Variants in SKAP1 observed in about 807,000 individuals in gnomAD.
SKAP1 encodes the protein src kinase-associated phosphoprotein 1.
SKAP1 carries 44 observed loss-of-function variants against 58.5 expected under a neutral mutation model. The ratio of observed to expected loss-of-function variants is 0.75; its 90% CI spans 0.59 to 0.97. SKAP1 has a LOEUF of 0.97. Ranked by LOEUF, SKAP1 falls within the 50% of genes least tolerant of loss-of-function variation. The pLI, the probability that SKAP1 is intolerant of heterozygous loss-of-function variation, is 0.00. For synonymous variants in SKAP1, 127 were observed against 149.7 expected (o/e 0.85, Z 1.11); for missense variants, 390 against 435.2 (o/e 0.90, Z 0.92).
chr17:48,385,694 T>C (rs2067266584), intron 2 of SKAP1, among the ~76,000 whole-genome samples: 1 of 152,102 alleles, frequency 6.6e-6, no homozygotes, highest in Admixed American at 6.5e-5. Flanking sequence ...AACAGCACTT[T>C]GGGAAAACGA....
chr17:48,214,808 G>A (rs1019549922), intron 4 of SKAP1, among the ~76,000 whole-genome samples: 1 of 151,698 alleles, frequency 6.6e-6, no homozygotes, highest in Non-Finnish European at 1.5e-5. Context: ...TGTAGTCCCA[G>A]CTACTTGGGA....
rs914136690 is a variant in SKAP1 at position 48,345,382 on chromosome 17, T to C, written c.280+523A>G. Among the ~76,000 whole-genome samples, 7 of 152,360 alleles carry C rather than the reference T, an allele frequency of 4.6e-5. No individual in the cohort carries two copies. The East Asian group carries it at 9.6e-4, about 21-fold the overall frequency. ...TGATGCTCTAGGAAGATTCACACTG[T>C]GGTTCTTGTGGCTTTCCCTTCCCCT... On this transcript the variant is annotated intron_variant, in intron 4 of 12. Coordinates refer to ENST00000336915, the MANE Select transcript of SKAP1 (RefSeq NM_003726.4).
intron 11 of SKAP1, among the ~76,000 whole-genome samples, chr17:48,162,261 C>T (rs1010887257): frequency 3.9e-5 from 6 of 152,196 alleles, no homozygotes; most frequent in East Asian, 1.9e-4. Flanking sequence ...CCACCACGCC[C>T]GGCCTAGCCT....
intron 4 of SKAP1, among the ~76,000 whole-genome samples, chr17:48,196,028 A>G (rs2064623516): frequency 6.6e-6 from 1 of 152,256 alleles, no homozygotes; most frequent in Non-Finnish European, 1.5e-5. Context: ...CCAGTTTTAA[A>G]TTCATCAGCA....
At chr17:48,312,208 T>C (rs1239478733) in intron 4 of SKAP1, among the ~76,000 whole-genome samples, 1 of 152,258 alleles carries the variant, frequency 6.6e-6, no homozygotes, top group African/African-American at 2.4e-5. Context: ...GTTTTCCTTT[T>C]ACCGGTTATG....
intron 2 of SKAP1, among the ~76,000 whole-genome samples, chr17:48,370,314 A>G (rs2067067400): frequency 6.6e-6 from 1 of 151,978 alleles, no homozygotes; most frequent in African/African-American, 2.4e-5. Flanking sequence ...CATTATTATT[A>G]TATTTTTTTG....
intron 11 of SKAP1, among the ~76,000 whole-genome samples, chr17:48,157,884 T>C (rs1204386554): frequency 6.6e-6 from 1 of 151,096 alleles, no homozygotes; most frequent in Non-Finnish European, 1.5e-5. Flanking sequence ...ATTTTTTTTT[T>C]TGAAAAGGGA....
At chr17:48,261,277 T>A (rs768624658) in intron 4 of SKAP1, among the ~76,000 whole-genome samples, 6 of 152,164 alleles carry the variant, frequency 3.9e-5, no homozygotes, top group Non-Finnish European at 8.8e-5. Flanking sequence ...GTAAAGAATC[T>A]ATGCTTTGGT....
At chr17:48,151,018 T>C (rs1386123887) in intron 11 of SKAP1, among the ~76,000 whole-genome samples, 1 of 150,758 alleles carries the variant, frequency 6.6e-6, no homozygotes, top group African/African-American at 2.4e-5. Flanking sequence ...GAGAGATCTT[T>C]AAACAATCAC....
rs1268541410 is a variant in SKAP1, at chr17:48,207,988, G to A, written c.281-18488C>T. 3.3e-5 allele frequency among the ~76,000 whole-genome samples: 5 copies of A among 152,186 alleles called. No homozygotes were observed. In the East Asian group the frequency reaches 9.6e-4, roughly 29 times the overall value. On this transcript the variant is annotated intron_variant, in intron 4 of 12. Coordinates refer to ENST00000336915, the MANE Select transcript of SKAP1 (RefSeq NM_003726.4). Reference sequence around the variant, plus strand: ...CACAGACATGATTTTAATTTATAGGGTTGGAAAAGTACAAGGCTATAAAAC... The same window carrying A: ...CACAGACATGATTTTAATTTATAGGATTGGAAAAGTACAAGGCTATAAAAC...
intron 1 of SKAP1, among the ~76,000 whole-genome samples, chr17:48,401,048 G>A (rs139030317): frequency 3.3e-5 from 5 of 152,250 alleles, no homozygotes; most frequent in African/African-American, 1.2e-4. Context: ...GCTCACACTC[G>A]TAATCCCAGC....
At chr17:48,362,278 A>G (rs1456204886) in intron 3 of SKAP1, among the ~76,000 whole-genome samples, 1 of 152,172 alleles carries the variant, frequency 6.6e-6, no homozygotes, top group East Asian at 1.9e-4. Context: ...TGTCTTTTTT[A>G]GTCCCATATA....
At chr17:48,182,523 G>A in intron 7 of SKAP1, 66 bp from the exon 8 acceptor site, 1 of 1,124,144 alleles carries the variant, frequency 8.9e-7, no homozygotes, top group Non-Finnish European at 1.3e-6. Context: ...TGACAGGGAT[G>A]TCCAAGGGGG....
At chr17:48,268,941 A>C (rs1178666054) in intron 4 of SKAP1, among the ~76,000 whole-genome samples, 1 of 152,196 alleles carries the variant, frequency 6.6e-6, no homozygotes, top group African/African-American at 2.4e-5. Context: ...CATGACTGAC[A>C]CTAACGATAC....
chr17:48,177,027 A>G (rs1186411849), intron 9 of SKAP1, among the ~76,000 whole-genome samples: 1 of 152,208 alleles, frequency 6.6e-6, no homozygotes, highest in African/African-American at 2.4e-5. Flanking sequence ...CAAATGTTAG[A>G]GGCCCACATC....
intron 4 of SKAP1, among the ~76,000 whole-genome samples, chr17:48,251,877 C>T (rs570870800): frequency 6.6e-5 from 10 of 152,260 alleles, no homozygotes; most frequent in South Asian, 4.2e-4. Context: ...CATAGAACTA[C>T]GTAAAATTTC....
At chr17:48,136,879 A>C (rs1567787136) in intron 12 of SKAP1, 1 of 176,050 alleles carries the variant, frequency 5.7e-6, no homozygotes, top group Non-Finnish European at 1.2e-5. Flanking sequence ...ATGTTGGTAA[A>C]GCTGGTCTCG....
chr17:48,145,996 G>A (rs2063827806), intron 11 of SKAP1, among the ~76,000 whole-genome samples: 1 of 152,122 alleles, frequency 6.6e-6, no homozygotes, highest in Non-Finnish European at 1.5e-5. Context: ...AAAATTTTGT[G>A]TGCATGTGTA....
intron 4 of SKAP1, among the ~76,000 whole-genome samples, chr17:48,277,299 A>G (rs1203801553): frequency 6.6e-6 from 1 of 152,238 alleles, no homozygotes; most frequent in Non-Finnish European, 1.5e-5. Context: ...TTGCATTCCT[A>G]GAAAACTAGA....
Sources: allele counts gnomAD v4.1 joint callset (sites outside exome capture counted in the v4.1 genomes callset), GRCh38; gene constraint gnomAD v4.1.1; transcripts MANE v1.5; gene names NCBI Gene and HGNC (gene_info 2026-07-23, HGNC 2026-07-21).